The following ADGRL4 variants were observed in gnomAD, a reference collection of about 807,000 sequenced individuals.
ADGRL4 encodes the protein adhesion G protein-coupled receptor L4, also known as EGF, latrophilin and seven transmembrane domain containing 1.
A neutral mutation model predicts 74.8 loss-of-function variants in ADGRL4; 90 were observed. That is an observed-to-expected ratio of 1.20 (90% CI 1.02 to 1.43). The LOEUF (loss-of-function observed/expected upper bound fraction) is 1.43, where lower values mean the gene tolerates loss of function less well. Ranked by LOEUF, ADGRL4 falls within the 40% of genes most tolerant of loss-of-function variation. ADGRL4 has a pLI of 0.00. For missense variants in ADGRL4, 881 were observed against 814.3 expected (o/e 1.08, Z -1.00); for synonymous variants, 311 against 279.2 (o/e 1.11, Z -1.14).
chr1:79,006,613 C>A lies in ADGRL4; in HGVS notation c.22+20G>T, dbSNP rs1243645174. Reference sequence around the variant, plus strand: ...TGGTCCCTCCGACGACCTCGGCGACCAGGGGCGCTGAGCACTCACCTAGGA... The same window carrying A: ...TGGTCCCTCCGACGACCTCGGCGACAAGGGGCGCTGAGCACTCACCTAGGA... On this transcript the variant is annotated intron_variant, in intron 1 of 14. Transcript: ENST00000370742. 1.3e-6 allele frequency: 2 copies of A among 1,537,020 alleles called. No individual in the cohort carries two copies. The highest frequency in any genetic ancestry group is 5.1e-5 in the East Asian group (2 of 38,924).
chr1:78,993,717 C>T (rs549823505), intron 2 of ADGRL4, among the ~76,000 whole-genome samples: 87 of 152,118 alleles, frequency 5.7e-4, no homozygotes, highest in African/African-American at 1.9e-3. Context: ...TACAGGTGCC[C>T]ACCACCATGC....
At position 78,920,216 on chromosome 1, in the gene ADGRL4, A is replaced by G; in HGVS notation, c.1428T>C (p.Val476=). The change falls in exon 10 of 15, where the codon GTT becomes GTC. Residue 476 remains valine (V), a synonymous_variant. Coordinates refer to ENST00000370742, the MANE Select transcript of ADGRL4 (RefSeq NM_022159.4). Reference sequence around the variant, plus strand: ...TATTTGTATTGATCCCAACAAGAAAAACAAGTTCAGCAAGAAATAGGCTAC... The same window carrying G: ...TATTTGTATTGATCCCAACAAGAAAGACAAGTTCAGCAAGAAATAGGCTAC... ...LCCSLFLAEL[V]FLVGINTNTN... is the part of the protein sequence containing the mutation. The G allele has an allele frequency of 6.2e-7, 1 of 1,611,716 alleles. No individual in the cohort carries two copies. Among genetic ancestry groups the G allele is most frequent in the South Asian group, 1.1e-5 (1 of 91,014 alleles).
chr1:78,942,873 T>C (rs1467439092), intron 3 of ADGRL4, among the ~76,000 whole-genome samples: 1 of 151,938 alleles, frequency 6.6e-6, no homozygotes, highest in Non-Finnish European at 1.5e-5. Context: ...CAGGCTGCAG[T>C]GAGCCATAAC....
intron 12 of ADGRL4, among the ~76,000 whole-genome samples, chr1:78,906,374 A>T (rs1269199666): frequency 6.6e-6 from 1 of 151,952 alleles, no homozygotes; most frequent in Non-Finnish European, 1.5e-5. Flanking sequence ...TGTTTGAAGG[A>T]ATAATTTACT....
chr1:79,002,507 G>A (rs781031132), intron 2 of ADGRL4, among the ~76,000 whole-genome samples: 20 of 152,028 alleles, frequency 1.3e-4, no homozygotes, highest in Non-Finnish European at 2.2e-4. Flanking sequence ...GAATGTTAAG[G>A]GCCTAGACTT....
Position 78,890,605 on chromosome 1 carries a change from T to A in ADGRL4, c.*549A>T, listed in dbSNP as rs1250467779. On this transcript the variant is annotated 3_prime_UTR_variant, in exon 15 of 15. Coordinates refer to ENST00000370742, the MANE Select transcript of ADGRL4 (RefSeq NM_022159.4). Reference sequence around the variant, plus strand: ...ACAATTCACAAAATGGTAAAATGTGTTTCTTCAATTCTTTATTTTATGTCA... The same window carrying A: ...ACAATTCACAAAATGGTAAAATGTGATTCTTCAATTCTTTATTTTATGTCA... The A allele has an allele frequency of 6.6e-6, 1 of 152,140 alleles. No homozygotes were observed. Among genetic ancestry groups the A allele is most frequent in the Non-Finnish European group, 1.5e-5 (1 of 68,032 alleles). 9.4% of individuals were successfully genotyped at this position (152,140 alleles called of 1,614,324 possible). A position where few individuals can be genotyped will look rare whatever the true frequency, so the allele number is the denominator to read the frequency against.
chr1:78,958,037 A>G (rs78474275), intron 2 of ADGRL4, among the ~76,000 whole-genome samples: 1,774 of 152,308 alleles, frequency 0.012, 31 homozygotes, highest in African/African-American at 0.04. Context: ...CTTTTATGAC[A>G]GCACATCTGT....
intron 2 of ADGRL4, among the ~76,000 whole-genome samples, chr1:78,988,272 T>C (rs1408751993): frequency 6.6e-6 from 1 of 151,840 alleles, no homozygotes; most frequent in African/African-American, 2.4e-5. Flanking sequence ...GGAATAAGTT[T>C]AGAATTAGTA....
chr1:78,969,559 G>GGTTCCT (rs1650128012), intron 2 of ADGRL4, among the ~76,000 whole-genome samples: 1 of 152,154 alleles, frequency 6.6e-6, no homozygotes, highest in African/African-American at 2.4e-5. Context: ...TCTTATTTGA[G>GGTTCCT]ATTCCTTGTG....
intron 2 of ADGRL4, among the ~76,000 whole-genome samples, chr1:78,979,427 T>C (rs17102561): frequency 0.016 from 2,365 of 152,062 alleles, 63 homozygotes; most frequent in African/African-American, 0.054. Flanking sequence ...ATGGCTCTAA[T>C]TTGCCAAGCC....
intron 2 of ADGRL4, among the ~76,000 whole-genome samples, chr1:78,974,643 C>G (rs61126418): frequency 0.016 from 2,376 of 152,194 alleles, 62 homozygotes; most frequent in African/African-American, 0.055. Flanking sequence ...GCTGGGTTGA[C>G]CTCTTTTCAG....
intron 7 of ADGRL4, 63 bp downstream of exon 7, chr1:78,936,232 T>C (rs1649349185): frequency 6.6e-7 from 1 of 1,514,734 alleles, no homozygotes. Context: ...CATAATCAAA[T>C]GCATGATAAA....
In ADGRL4 at chr1:78,951,875, G is replaced by A. The variant is rs143377596; in HGVS notation, c.173-5449C>T. ...TACTTCTTAATAAGACATAAAGAGC[G>A]AGCATATAATTCTCCAAATTCAAGA... is the stretch of plus-strand genomic sequence containing the variant. On this transcript the variant is annotated intron_variant, in intron 2 of 14. Coordinates refer to ENST00000370742, the MANE Select transcript of ADGRL4 (RefSeq NM_022159.4). Among the ~76,000 whole-genome samples the A allele has an allele frequency of 6.5e-3, 992 of 152,148 alleles. 8 individuals are homozygous for A. Among genetic ancestry groups the A allele is most frequent in the African/African-American group, 0.019 (773 of 41,512 alleles).
chr1:78,889,838 A>G lies in ADGRL4; in HGVS notation c.*1316T>C, dbSNP rs1048889554. On this transcript the variant is annotated 3_prime_UTR_variant, in exon 15 of 15. Transcript: ENST00000370742. ...TTTCAACAGCTGGAGGAATTAATTTAAAATCACAAATTTAGTGTATTGGCA... is the reference window on the plus strand; with the variant it reads ...TTTCAACAGCTGGAGGAATTAATTTGAAATCACAAATTTAGTGTATTGGCA... 4.3e-5 allele frequency: 20 copies of G among 465,152 alleles called. No individual in the cohort carries two copies. Among genetic ancestry groups the G allele is most frequent in the Non-Finnish European group, 8.9e-5 (20 of 224,460 alleles). The allele number at this position is 465,152 out of a possible 1,614,324, so 28.8% of individuals were successfully genotyped here.
intron 2 of ADGRL4, among the ~76,000 whole-genome samples, chr1:78,951,702 A>G (rs1311757550): frequency 1.3e-5 from 2 of 152,204 alleles, no homozygotes; most frequent in Non-Finnish European, 2.9e-5. Flanking sequence ...CATTTTACTT[A>G]AGAGGAAACT....
intron 2 of ADGRL4, among the ~76,000 whole-genome samples, chr1:78,976,587 T>G (rs1403204840): frequency 1.3e-5 from 2 of 151,734 alleles, no homozygotes; most frequent in African/African-American, 4.8e-5. Context: ...TGTTAAATAA[T>G]TATATATACA....
intron 6 of ADGRL4, among the ~76,000 whole-genome samples, chr1:78,937,491 A>T (rs1649379299): frequency 6.6e-6 from 1 of 152,224 alleles, no homozygotes; most frequent in South Asian, 2.1e-4. Context: ...GTCAAGGTAG[A>T]TCCTAACAAG....
At chr1:78,926,362 G>C (rs989650244) in intron 8 of ADGRL4, among the ~76,000 whole-genome samples, 17 of 151,844 alleles carry the variant, frequency 1.1e-4, no homozygotes, top group African/African-American at 3.6e-4. Context: ...TTATTGTATA[G>C]CTTTAATTAT....
intron 2 of ADGRL4, among the ~76,000 whole-genome samples, chr1:78,953,357 T>C (rs1649768120): frequency 6.6e-6 from 1 of 152,180 alleles, no homozygotes; most frequent in Admixed American, 6.5e-5. Flanking sequence ...ATTGATGTAA[T>C]GCATATTCAA....
Sources: gnomAD v4.1 joint callset for allele counts (sites outside exome capture counted in the v4.1 genomes callset) on GRCh38, gnomAD v4.1.1 for gene constraint, MANE v1.5 for transcripts, NCBI Gene and HGNC (gene_info 2026-07-23, HGNC 2026-07-21) for gene names.